YPEL2: variants seen among roughly 807,000 people sequenced by gnomAD.
YPEL2 encodes the protein protein yippee-like 2.
In YPEL2, 2 loss-of-function variants were observed where a neutral mutation model predicts 19.1. That is an observed-to-expected ratio of 0.10 (90% CI 0.04 to 0.33). The LOEUF is 0.33. YPEL2 is among the 10% of genes least tolerant of loss of function. The pLI is 1.00. For synonymous variants in YPEL2, 52 were observed against 50.0 expected, an observed-to-expected ratio of 1.04 and a Z score of -0.17; for missense variants, 66 against 140.7, an observed-to-expected ratio of 0.47 and a Z score of 2.68.
intron 2 of YPEL2, among the ~76,000 whole-genome samples, chr17:59,387,766 C>G (rs977998555): frequency 6.6e-6 from 1 of 152,204 alleles, no homozygotes; most frequent in Non-Finnish European, 1.5e-5. Context: ...TCCTGTGCTC[C>G]CATTTAGGAT....
At chr17:59,357,638 G>A (rs1028366143) in intron 2 of YPEL2, among the ~76,000 whole-genome samples, 2 of 152,148 alleles carry the variant, frequency 1.3e-5, no homozygotes, top group Non-Finnish European at 2.9e-5. Flanking sequence ...ACAGTTAGTA[G>A]CCAGCCCTAG....
At chr17:59,341,194 C>T (rs2047728062) in intron 1 of YPEL2, among the ~76,000 whole-genome samples, 1 of 151,392 alleles carries the variant, frequency 6.6e-6, no homozygotes, top group Non-Finnish European at 1.5e-5. Flanking sequence ...GGGCGGAGAC[C>T]ATCCTGACTA....
In YPEL2 at chr17:59,398,991, T is replaced by C. The variant is rs2048055914; in HGVS notation, c.*1801T>C. On this transcript the variant is annotated 3_prime_UTR_variant, in exon 5 of 5. Coordinates refer to ENST00000312655, the MANE Select transcript of YPEL2 (RefSeq NM_001005404.4). ...AATGGGAGCCCCAAGACGTGTGGGC[T>C]TAGAAATCAACTTTTGTTCCCCAAG... 6.6e-6 allele frequency: 1 copy of C among 152,224 alleles called. No homozygotes were observed. Among genetic ancestry groups the C allele is most frequent in the Admixed American group, 6.5e-5 (1 of 15,276 alleles). 9.4% of individuals were successfully genotyped at this position (152,224 alleles called of 1,614,324 possible).
intron 2 of YPEL2, among the ~76,000 whole-genome samples, chr17:59,382,289 C>T (rs1323128905): frequency 6.6e-6 from 1 of 152,244 alleles, no homozygotes; most frequent in African/African-American, 2.4e-5. Context: ...CCCGCAGACT[C>T]TCTCAAAACA....
chr17:59,357,292 C>T (rs375108291), intron 2 of YPEL2, among the ~76,000 whole-genome samples: 1 of 152,056 alleles, frequency 6.6e-6, no homozygotes, highest in Non-Finnish European at 1.5e-5. Flanking sequence ...AAGATGGCTT[C>T]ACTTTGGAAC....
At chr17:59,382,966 T>G (rs573240445) in intron 2 of YPEL2, among the ~76,000 whole-genome samples, 1 of 152,238 alleles carries the variant, frequency 6.6e-6, no homozygotes, top group East Asian at 1.9e-4. Flanking sequence ...TTACAATATT[T>G]CGGAAAAATC....
At chr17:59,361,213 C>T (rs909043943) in intron 2 of YPEL2, among the ~76,000 whole-genome samples, 2 of 152,108 alleles carry the variant, frequency 1.3e-5, no homozygotes, top group South Asian at 2.1e-4. Context: ...ATGTGGGTGA[C>T]GGCAGTGGGG....
At chr17:59,354,969 C>CT (rs60242681) in intron 2 of YPEL2, 86,900 of 145,996 alleles carry the variant, frequency 0.6, 26,109 homozygotes, top group East Asian at 0.73. Context: ...GTGAGTTGTC[C>CT]TTTTTTTTTT....
intron 1 of YPEL2, among the ~76,000 whole-genome samples, chr17:59,350,098 A>G (rs911422683): frequency 6.7e-6 from 1 of 150,096 alleles, no homozygotes; most frequent in Non-Finnish European, 1.5e-5. Context: ...CTTTTTTTTT[A>G]ATGCTCTGTC....
Position 59,355,213 on chromosome 17 carries a change from G to A in YPEL2, c.117+1687G>A, listed in dbSNP as rs146857053. The stretch of plus-strand genomic sequence containing the variant: ...AGTTGACATGAGTCATACTTTATGC[G>A]GATGAAGAAGCTGAAACTCATAAAA... On this transcript the variant is annotated intron_variant, in intron 2 of 4. Transcript: ENST00000312655. The A allele has an allele frequency of 5.9e-5, 9 of 152,228 alleles. No individual in the cohort carries two copies. The East Asian group carries it at 7.7e-4, about 13-fold the overall frequency. The allele number at this position is 152,228 out of a possible 1,614,324, so 9.4% of individuals were successfully genotyped here. A position where few individuals can be genotyped will look rare whatever the true frequency, so the allele number is the denominator to read the frequency against.
chr17:59,380,463 T>A (rs1250976255), intron 2 of YPEL2, among the ~76,000 whole-genome samples: 1 of 151,842 alleles, frequency 6.6e-6, no homozygotes, highest in African/African-American at 2.4e-5. Context: ...AGAGACGGGG[T>A]TTCGCCATGT....
intron 2 of YPEL2, among the ~76,000 whole-genome samples, chr17:59,375,098 TAGTGAGTTCTCTGCCCCTGAA>T: frequency 6.6e-6 from 1 of 152,096 alleles, no homozygotes; most frequent in East Asian, 1.9e-4. Context: ...CCTCTGGAGG[TAGTGAGTTCTCTGCCCCTGAA>T]AGTATTCAAG....
chr17:59,344,857 T>C (rs1172304112), intron 1 of YPEL2, among the ~76,000 whole-genome samples: 1 of 152,258 alleles, frequency 6.6e-6, no homozygotes, highest in Non-Finnish European at 1.5e-5. Context: ...CATGAAGCAT[T>C]GCCAGAAGGC....
chr17:59,334,660 A>G (rs182421918), intron 1 of YPEL2, among the ~76,000 whole-genome samples: 104 of 152,214 alleles, frequency 6.8e-4, no homozygotes, highest in Non-Finnish European at 2.9e-5. Context: ...GTGTCCAGAC[A>G]TATTGGTAGG....
chr17:59,356,562 A>C (rs1426998028), intron 2 of YPEL2, among the ~76,000 whole-genome samples: 2 of 152,232 alleles, frequency 1.3e-5, no homozygotes, highest in Non-Finnish European at 2.9e-5. Flanking sequence ...AGTTGCTTGC[A>C]ATCAATTGTC....
At chr17:59,342,050 C>A (rs1486139151) in intron 1 of YPEL2, among the ~76,000 whole-genome samples, 1 of 152,212 alleles carries the variant, frequency 6.6e-6, no homozygotes, top group Non-Finnish European at 1.5e-5. Flanking sequence ...TTTCCAAATT[C>A]CAATTGCGGA....
At chr17:59,370,238 A>T (rs751037515) in intron 2 of YPEL2, among the ~76,000 whole-genome samples, 9 of 151,758 alleles carry the variant, frequency 5.9e-5, no homozygotes, top group Non-Finnish European at 1.0e-4. Context: ...AATTTTTTGT[A>T]TTTTTTAGTA....
chr17:59,349,459 C>G (rs1026630741), intron 1 of YPEL2, among the ~76,000 whole-genome samples: 5 of 150,060 alleles, frequency 3.3e-5, no homozygotes, highest in Admixed American at 1.3e-4. Context: ...CTCAGCCTCT[C>G]GAGTAGCTGG....
At position 59,358,433 on chromosome 17, in the gene YPEL2, G is replaced by A. The variant is rs1193146486; in HGVS notation, c.117+4907G>A. On this transcript the variant is annotated intron_variant, in intron 2 of 4. Coordinates refer to ENST00000312655, the MANE Select transcript of YPEL2 (RefSeq NM_001005404.4). ...CCCTTGGTTTCCCACCTCTGGCTCT[G>A]AGCCCTGGTGTTGTACACCAGTGTA... is the stretch of plus-strand genomic sequence containing the variant. Among the ~76,000 whole-genome samples the A allele has an allele frequency of 2.6e-5, 4 of 152,160 alleles. No homozygotes were observed. In the East Asian group the frequency reaches 7.7e-4, roughly 29 times the overall value.
Sources: allele counts gnomAD v4.1 joint callset (sites outside exome capture counted in the v4.1 genomes callset), GRCh38; gene constraint gnomAD v4.1.1; transcripts MANE v1.5; gene names NCBI Gene and HGNC (gene_info 2026-07-23, HGNC 2026-07-21).